AKAP10: variants seen among roughly 807,000 people sequenced by gnomAD.
AKAP10 encodes the protein A-kinase anchor protein 10, mitochondrial.
In AKAP10, 24 loss-of-function variants were observed where a neutral mutation model predicts 80.8. The ratio of observed to expected loss-of-function variants is 0.30; its 90% confidence interval spans 0.22 to 0.42. The LOEUF (loss-of-function observed/expected upper bound fraction) is 0.42, where lower values mean the gene tolerates loss of function less well. Among genes scored for constraint, AKAP10 ranks in the 10% least tolerant of loss-of-function variants. The pLI, the probability that AKAP10 is intolerant of heterozygous loss-of-function variation, is 1.00. For synonymous variants in AKAP10, 291 were observed against 277.7 expected (o/e 1.05, Z -0.48); for missense variants, 661 against 794.9 (o/e 0.83, Z 2.03).
At chr17:19,973,879 T>C (rs1028504754) in intron 1 of AKAP10, among the ~76,000 whole-genome samples, 60 of 152,302 alleles carry the variant, frequency 3.9e-4, no homozygotes, top group African/African-American at 1.2e-3. Flanking sequence ...GGTTCAAAGA[T>C]GTACTAAAGT....
At chr17:19,950,289 A>G (rs576231821) in intron 4 of AKAP10, among the ~76,000 whole-genome samples, 56 of 152,198 alleles carry the variant, frequency 3.7e-4, no homozygotes, top group Admixed American at 2.8e-3. Context: ...AAAAGAAAGC[A>G]AAAAAGGGGC....
Position 19,905,869 on chromosome 17 carries a change from G to A in AKAP10, c.*358C>T, listed in dbSNP as rs145056680. 4.4e-4 allele frequency: 92 copies of A among 207,248 alleles called. No individual in the cohort carries two copies. In the East Asian group the frequency reaches 9.2e-3, roughly 21 times the overall value. The allele number at this position is 207,248 out of a possible 1,614,324, so 12.8% of individuals were successfully genotyped here. A position where few individuals can be genotyped will look rare whatever the true frequency, so the allele number is the denominator to read the frequency against. ...AGTTACCACTACGAGTGTGCATCAA[G>A]TATCAGTTCTATGCTTATCTGCTTC... On this transcript the variant is annotated 3_prime_UTR_variant, in exon 15 of 15. Transcript: ENST00000225737.
At chr17:19,946,050 T>C (rs2043100295) in intron 5 of AKAP10, among the ~76,000 whole-genome samples, 3 of 146,500 alleles carry the variant, frequency 2.0e-5, no homozygotes, top group African/African-American at 7.5e-5. Flanking sequence ...AATGAAAACA[T>C]TTTTCTGAAA....
chr17:19,946,118 T>TAC (rs904907247), intron 5 of AKAP10, among the ~76,000 whole-genome samples: 5 of 134,214 alleles, frequency 3.7e-5, no homozygotes, highest in Non-Finnish European at 6.2e-5. Flanking sequence ...TATATATATA[T>TAC]ACACACACTA....
intron 13 of AKAP10, 84 bp downstream of exon 13, chr17:19,909,842 A>G: frequency 1.5e-6 from 2 of 1,328,768 alleles, no homozygotes; most frequent in Admixed American, 2.0e-5. Context: ...CATGGGACCT[A>G]AAGAAAAGGA....
At chr17:19,964,227 T>C (rs752527826) in intron 2 of AKAP10, among the ~76,000 whole-genome samples, 4 of 152,234 alleles carry the variant, frequency 2.6e-5, no homozygotes, top group Non-Finnish European at 4.4e-5. Flanking sequence ...TAATTAGATG[T>C]ATATAATGTA....
chr17:19,959,358 G>A (rs541926751), intron 3 of AKAP10, among the ~76,000 whole-genome samples: 6 of 152,242 alleles, frequency 3.9e-5, no homozygotes, highest in South Asian at 2.1e-4. Context: ...ACTCTCATTC[G>A]CTGGTCATGA....
rs988297762 is a variant in AKAP10 at position 19,950,870 on chromosome 17, C to G, written c.878-3365G>C. ...ATCCCGTCTAGGAAGTGAGGAGTGT[C>G]TCTGCCCGGCAGCCCATCGTCTGAG... On this transcript the variant is annotated intron_variant, in intron 4 of 14. Coordinates refer to ENST00000225737, the MANE Select transcript of AKAP10 (RefSeq NM_007202.4). Among the ~76,000 whole-genome samples the G allele has an allele frequency of 4.1e-4, 62 of 151,542 alleles. 1 individual carries two copies. The highest frequency in any genetic ancestry group is 1.5e-5 in the Non-Finnish European group (1 of 67,950).
Position 19,958,113 on chromosome 17 carries a change from C to T in AKAP10, c.778G>A (p.Val260Ile), listed in dbSNP as rs761117713. ...GAAGATTCTTGGGTTTCCATGGAAA[C>T]TTGGTGAGTTCCTGCTCTGGCCATT... ...LEMARAGTHQ[V>I]SMETQESSST... The change falls in exon 4 of 15, where the codon GTT becomes ATT. Residue 260 changes from valine (V) to isoleucine (I), a missense_variant. Transcript: ENST00000225737. The T allele has an allele frequency of 1.3e-5, 21 of 1,614,118 alleles. No individual in the cohort carries two copies. The Admixed American group carries it at 3.5e-4, about 27-fold the overall frequency.
Position 19,906,133 on chromosome 17 carries a change from G to C in AKAP10, c.*94C>G. 3.0e-6 allele frequency: 4 copies of C among 1,332,716 alleles called. No individual in the cohort carries two copies. Among genetic ancestry groups the C allele is most frequent in the Non-Finnish European group, 4.3e-6 (4 of 935,464 alleles). The allele number at this position is 1,332,716 out of a possible 1,614,324, so 82.6% of individuals were successfully genotyped here. Reference sequence around the variant, plus strand: ...ACAACAGTGACAGATCAGAAATATAGTGCTGTTTTCATTGGCTGTGTTGAA... The same window carrying C: ...ACAACAGTGACAGATCAGAAATATACTGCTGTTTTCATTGGCTGTGTTGAA... On this transcript the variant is annotated 3_prime_UTR_variant, in exon 15 of 15. Coordinates refer to ENST00000225737, the MANE Select transcript of AKAP10 (RefSeq NM_007202.4).
chr17:19,908,044 T>C (rs373919601), intron 14 of AKAP10, among the ~76,000 whole-genome samples: 4 of 151,968 alleles, frequency 2.6e-5, no homozygotes, highest in African/African-American at 9.7e-5. Context: ...TTTGTATTTT[T>C]AATAGAGACG....
chr17:19,925,616 A>G (rs2042867931), intron 10 of AKAP10, among the ~76,000 whole-genome samples: 1 of 152,200 alleles, frequency 6.6e-6, no homozygotes, highest in Admixed American at 6.5e-5. Context: ...ATTGTTTAAA[A>G]TAAAAGACAT....
At chr17:19,910,413 T>C (rs1460209029) in intron 12 of AKAP10, among the ~76,000 whole-genome samples, 1 of 152,102 alleles carries the variant, frequency 6.6e-6, no homozygotes, top group African/African-American at 2.4e-5. Flanking sequence ...TATTCTTTTT[T>C]GTGTGATACC....
At chr17:19,956,007 C>T (rs762536049) in intron 4 of AKAP10, among the ~76,000 whole-genome samples, 51 of 152,140 alleles carry the variant, frequency 3.4e-4, no homozygotes, top group Non-Finnish European at 6.8e-4. Context: ...TTATCTTAAA[C>T]ATTTGGGGCC....
At chr17:19,948,379 G>A (rs1335877437) in intron 4 of AKAP10, among the ~76,000 whole-genome samples, 2 of 152,112 alleles carry the variant, frequency 1.3e-5, no homozygotes, top group African/African-American at 4.8e-5. Context: ...TCTGGTCTGA[G>A]GAACAGGAAA....
At chr17:19,922,566 A>T (rs2042829542) in intron 11 of AKAP10, among the ~76,000 whole-genome samples, 1 of 152,174 alleles carries the variant, frequency 6.6e-6, no homozygotes, top group African/African-American at 2.4e-5. Context: ...TTCAAGATGA[A>T]GAAAAATTAT....
At chr17:19,909,754 T>C (rs1412434818) in intron 13 of AKAP10, among the ~76,000 whole-genome samples, 172 bp downstream of exon 13, 1 of 152,178 alleles carries the variant, frequency 6.6e-6, no homozygotes, top group East Asian at 1.9e-4. Context: ...TACCAGGCAA[T>C]TGTTAGATGT....
rs1218947584 is a variant in AKAP10 at position 19,959,367 on chromosome 17, G to A, written c.320-796C>T. On this transcript the variant is annotated intron_variant, in intron 3 of 14. Coordinates refer to ENST00000225737, the MANE Select transcript of AKAP10 (RefSeq NM_007202.4). ...GGCAACACTCTCATTCGCTGGTCAT[G>A]AGGATGTAAACTGGCAAAACCTTTT... 2.6e-5 allele frequency among the ~76,000 whole-genome samples: 4 copies of A among 152,286 alleles called. No homozygotes were observed. In the East Asian group the frequency reaches 7.7e-4, roughly 29 times the overall value.
At chr17:19,915,181 C>G (rs1010704697) in intron 12 of AKAP10, among the ~76,000 whole-genome samples, 21 of 152,190 alleles carry the variant, frequency 1.4e-4, no homozygotes, top group Admixed American at 1.0e-3. Flanking sequence ...TACAGAGAGG[C>G]TTTCAAAAAC....
Sources: gnomAD v4.1 joint callset for allele counts (sites outside exome capture counted in the v4.1 genomes callset) on GRCh38, gnomAD v4.1.1 for gene constraint, MANE v1.5 for transcripts, NCBI Gene and HGNC (gene_info 2026-07-23, HGNC 2026-07-21) for gene names.